WWC2: variants seen among roughly 807,000 people sequenced by gnomAD.
WWC2 encodes WW and C2 domain containing 2, also known as protein WWC2.
A neutral mutation model predicts 138.5 loss-of-function variants in WWC2; 101 were observed. The ratio of observed to expected loss-of-function variants is 0.73; its 90% CI spans 0.62 to 0.86. WWC2 has a LOEUF of 0.86. Ranked by LOEUF, WWC2 falls within the 40% of genes least tolerant of loss-of-function variation. WWC2 has a pLI of 0.00. For missense variants in WWC2, 1,420 were observed against 1,419.4 expected, an observed-to-expected ratio of 1.00 and a Z score of -0.01; for synonymous variants, 558 against 538.4, an observed-to-expected ratio of 1.04 and a Z score of -0.50.
intron 21 of WWC2, among the ~76,000 whole-genome samples, chr4:183,303,060 CAAAAAAAAAAA>C (rs35439586): frequency 1.2e-5 from 1 of 82,564 alleles, no homozygotes; most frequent in South Asian, 4.8e-4. Flanking sequence ...GACTCCATCT[CAAAAAAAAAAA>C]AAAAAAAAAG....
At chr4:183,286,573 G>A (rs1375558501) in intron 20 of WWC2, among the ~76,000 whole-genome samples, 5 of 152,204 alleles carry the variant, frequency 3.3e-5, no homozygotes, top group Non-Finnish European at 5.9e-5. Context: ...CTCTGCATGA[G>A]CCTTAAGGAT....
chr4:183,161,805 A>C (rs115205291), intron 1 of WWC2, among the ~76,000 whole-genome samples: 153 of 152,308 alleles, frequency 1.0e-3, no homozygotes, highest in Admixed American at 2.2e-3. Context: ...GTGTGAGTGC[A>C]GTCTATGAGG....
At chr4:183,132,908 C>G (rs1191110148) in intron 1 of WWC2, among the ~76,000 whole-genome samples, 3 of 151,116 alleles carry the variant, frequency 2.0e-5, no homozygotes, top group African/African-American at 7.3e-5. Context: ...TATTATTGCA[C>G]TTGCTAGGAT....
At chr4:183,188,667 C>T (rs569582835) in intron 1 of WWC2, among the ~76,000 whole-genome samples, 1 of 121,910 alleles carries the variant, frequency 8.2e-6, no homozygotes, top group Non-Finnish European at 1.6e-5. Flanking sequence ...TTTTTTGAGA[C>T]GAAGTCTCGC....
chr4:183,254,072 G>C (rs897405691), intron 9 of WWC2, 73 bp downstream of exon 9: 1 of 1,542,014 alleles, frequency 6.5e-7, no homozygotes, highest in African/African-American at 1.4e-5. Flanking sequence ...ATTTTCCCTG[G>C]GTTTGGAAAT....
intron 1 of WWC2, among the ~76,000 whole-genome samples, chr4:183,151,172 C>T (rs1287898952): frequency 2.0e-5 from 3 of 152,172 alleles, no homozygotes; most frequent in African/African-American, 7.2e-5. Flanking sequence ...AAAAGCATTC[C>T]TATTTCTCCA....
At chr4:183,230,546 G>A (rs1736212529) in intron 4 of WWC2, among the ~76,000 whole-genome samples, 2 of 152,088 alleles carry the variant, frequency 1.3e-5, no homozygotes, top group South Asian at 4.1e-4. Context: ...GCGCAGTGGC[G>A]CACGCCTGTA....
At chr4:183,269,603 G>C in intron 15 of WWC2, 2 of 425,720 alleles carry the variant, frequency 4.7e-6, no homozygotes, top group Non-Finnish European at 9.7e-6. Context: ...TGCTTAGAGA[G>C]GTAATATATT....
intron 8 of WWC2, among the ~76,000 whole-genome samples, chr4:183,250,767 G>A (rs1173819225): frequency 6.6e-6 from 1 of 152,074 alleles, no homozygotes; most frequent in Non-Finnish European, 1.5e-5. Context: ...TATTTAGGAG[G>A]ACATTGGGAG....
intron 1 of WWC2, among the ~76,000 whole-genome samples, chr4:183,131,220 T>C (rs1037551695): frequency 6.6e-6 from 1 of 152,036 alleles, no homozygotes; most frequent in African/African-American, 2.4e-5. Flanking sequence ...AACTCAAAGC[T>C]GATCATAGAT....
chr4:183,264,973 C>G lies in WWC2; in HGVS notation c.1910-5C>G, dbSNP rs1206324231. ...TGATTAGTGCTCTCACCCTCCCCTC[C>G]ATAGATGTGGAAAAATCATTACCAA... is the stretch of plus-strand genomic sequence containing the variant. On this transcript the variant is annotated splice_polypyrimidine_tract_variant and splice_region_variant and intron_variant, in intron 11 of 22. Coordinates refer to ENST00000403733, the MANE Select transcript of WWC2 (RefSeq NM_024949.6). 1 of 1,611,150 alleles carries G rather than the reference C, an allele frequency of 6.2e-7. No homozygotes were observed. The highest frequency in any genetic ancestry group is 8.5e-7 in the Non-Finnish European group (1 of 1,178,434).
In WWC2 at chr4:183,289,594, G is replaced by A. The variant is rs765691328; in HGVS notation, c.3343G>A (p.Asp1115Asn). The change falls in exon 21 of 23, where the codon GAT becomes AAT. Residue 1115 changes from aspartate (D) to asparagine (N), a missense_variant. Asp to Asn is a conservative substitution (Grantham distance 23). Transcript: ENST00000403733. Reference protein sequence around the residue: ...ETDLPPGVLEDERFQRLLKQA... With the variant: ...ETDLPPGVLENERFQRLLKQA... ...TGACCTTCCACCAGGCGTGCTGGAG[G>A]ATGAGAGGTTCCAGAGGCTTCTGAA... The A allele has an allele frequency of 9.9e-6, 16 of 1,613,840 alleles. No individual in the cohort carries two copies. Among genetic ancestry groups the A allele is most frequent in the South Asian group, 3.3e-5 (3 of 91,064 alleles).
intron 1 of WWC2, among the ~76,000 whole-genome samples, chr4:183,174,763 C>G (rs974669562): frequency 6.6e-6 from 1 of 152,098 alleles, no homozygotes; most frequent in Non-Finnish European, 1.5e-5. Context: ...ATTTTATCAT[C>G]TCCTTTTCCT....
Position 183,319,638 on chromosome 4 carries a change from A to T in WWC2, c.*3909A>T. The T allele has an allele frequency of 6.2e-7, 1 of 1,614,124 alleles. No homozygotes were observed. Among genetic ancestry groups the T allele is most frequent in the Non-Finnish European group, 8.5e-7 (1 of 1,180,016 alleles). On this transcript the variant is annotated 3_prime_UTR_variant, in exon 23 of 23. Coordinates refer to ENST00000403733, the MANE Select transcript of WWC2 (RefSeq NM_024949.6). ...TGCCACTGCGTAGTGGCCCGAAGCT[A>T]GGGGAGCGTGGCTGGAGCAGGCTGC...
chr4:183,122,664 C>T (rs1221956563), intron 1 of WWC2, among the ~76,000 whole-genome samples: 2 of 152,106 alleles, frequency 1.3e-5, no homozygotes, highest in Non-Finnish European at 2.9e-5. Context: ...GGATTACAGG[C>T]ATGCACCACC....
At chr4:183,145,145 A>G (rs1733415370) in intron 1 of WWC2, among the ~76,000 whole-genome samples, 1 of 152,224 alleles carries the variant, frequency 6.6e-6, no homozygotes, top group Admixed American at 6.5e-5. Context: ...TTGGCACTGT[A>G]GATTACTGAC....
chr4:183,220,562 C>T (rs375908399), intron 4 of WWC2, among the ~76,000 whole-genome samples: 58 of 150,950 alleles, frequency 3.8e-4, no homozygotes, highest in South Asian at 1.1e-3. Context: ...TGGCCGGGCG[C>T]GGTGGCTCAC....
chr4:183,135,689 A>G (rs1286595824), intron 1 of WWC2, among the ~76,000 whole-genome samples: 1 of 152,094 alleles, frequency 6.6e-6, no homozygotes, highest in Non-Finnish European at 1.5e-5. Flanking sequence ...ACTCAAACCT[A>G]CCAGCTGGGA....
intron 20 of WWC2, among the ~76,000 whole-genome samples, chr4:183,287,465 T>C (rs1738298134): frequency 6.6e-6 from 1 of 152,170 alleles, no homozygotes; most frequent in Admixed American, 6.5e-5. Context: ...CCAAAAGTGT[T>C]TATGAATCGA....
Sources: allele counts gnomAD v4.1 joint callset (sites outside exome capture counted in the v4.1 genomes callset), GRCh38; gene constraint gnomAD v4.1.1; transcripts MANE v1.5; gene names NCBI Gene and HGNC (gene_info 2026-07-23, HGNC 2026-07-21).